Variants in CTNNA2 observed in about 807,000 individuals in gnomAD.
The protein encoded by CTNNA2 is catenin alpha-2.
CTNNA2 carries 42 observed loss-of-function variants against 101.0 expected under a neutral mutation model. The observed-to-expected ratio is 0.42, with a 90% confidence interval of 0.32 to 0.54. The LOEUF is 0.54. Among genes scored for constraint, CTNNA2 ranks in the 20% least tolerant of loss-of-function variants. The probability of loss-of-function intolerance (pLI) is 0.14; values close to 1 mark genes in which losing one functional copy is unlikely to be tolerated. For missense variants in CTNNA2, 871 were observed against 1,223.1 expected (o/e 0.71, Z 4.29); for synonymous variants, 450 against 456.4 (o/e 0.99, Z 0.18).
At chr2:79,302,964 C>A (rs1363862525) in intron 2 of CTNNA2, among the ~76,000 whole-genome samples, 2 of 152,104 alleles carry the variant, frequency 1.3e-5, no homozygotes, top group African/African-American at 2.4e-5. Flanking sequence ...AGAAGTTAAC[C>A]AACTTGACCA....
intron 4 of CTNNA2, among the ~76,000 whole-genome samples, chr2:79,430,726 A>G (rs551380533): frequency 6.6e-6 from 1 of 152,278 alleles, no homozygotes; most frequent in South Asian, 2.1e-4. Flanking sequence ...GGGCTATAAA[A>G]GCCTCCCAAA....
chr2:79,579,224 A>C (rs1177933138), intron 1 of CTNNA2, among the ~76,000 whole-genome samples: 90 of 95,882 alleles, frequency 9.4e-4, no homozygotes, highest in Middle Eastern at 0.011. Flanking sequence ...CCCTCCCTCT[A>C]TCCCTTCCCT....
chr2:79,345,859 A>ATTTT (rs71385269), intron 3 of CTNNA2, among the ~76,000 whole-genome samples: 3 of 130,608 alleles, frequency 2.3e-5, no homozygotes, highest in Non-Finnish European at 4.9e-5. Flanking sequence ...CGCCCGGTTG[A>ATTTT]TTTTTTTTTT....
At chr2:79,562,158 A>T (rs965768935) in intron 1 of CTNNA2, among the ~76,000 whole-genome samples, 1 of 152,016 alleles carries the variant, frequency 6.6e-6, no homozygotes, top group Non-Finnish European at 1.5e-5. Flanking sequence ...ATCCAACTAC[A>T]TTCTTTTGTA....
chr2:80,147,061 G>A (rs1165195450), intron 7 of CTNNA2, among the ~76,000 whole-genome samples: 1 of 151,742 alleles, frequency 6.6e-6, no homozygotes, highest in Non-Finnish European at 1.5e-5. Context: ...CGCCTCCTGG[G>A]TTCAAGCGAT....
rs372875389 is a variant in CTNNA2 at position 79,909,586 on chromosome 2, A to G, written c.853-8A>G. 1.9e-6 allele frequency: 3 copies of G among 1,594,210 alleles called. No individual in the cohort carries two copies. The highest frequency in any genetic ancestry group is 2.6e-6 in the Non-Finnish European group (3 of 1,164,952). On this transcript the variant is annotated splice_region_variant and splice_polypyrimidine_tract_variant and intron_variant, in intron 6 of 18. Coordinates refer to ENST00000402739, the MANE Select transcript of CTNNA2 (RefSeq NM_001282597.3). ...TGATTTTTGTGTGTGTGTGTGTGAT[A>G]CTTTCAGAATAAGATTATCCTGGAC...
intron 7 of CTNNA2, among the ~76,000 whole-genome samples, chr2:80,187,350 T>A (rs147414466): frequency 6.6e-6 from 1 of 152,246 alleles, no homozygotes; most frequent in East Asian, 1.9e-4. Flanking sequence ...AAAGATATGG[T>A]GATGAAAAAT....
At chr2:80,399,848 C>G (rs1678393161) in intron 8 of CTNNA2, among the ~76,000 whole-genome samples, 1 of 152,168 alleles carries the variant, frequency 6.6e-6, no homozygotes, top group African/African-American at 2.4e-5. Context: ...AATTCCTAAG[C>G]AGGGAAACTT....
At chr2:80,509,028 A>C (rs1573076693) in intron 9 of CTNNA2, among the ~76,000 whole-genome samples, 1 of 152,300 alleles carries the variant, frequency 6.6e-6, no homozygotes, top group Admixed American at 6.5e-5. Flanking sequence ...TGTGGATCAA[A>C]CCAAGCAGCA....
At chr2:80,015,491 A>C (rs1394092598) in intron 7 of CTNNA2, among the ~76,000 whole-genome samples, 2 of 152,134 alleles carry the variant, frequency 1.3e-5, no homozygotes, top group Admixed American at 1.3e-4. Flanking sequence ...GTCTCCAATT[A>C]CAGTTGTTTC....
intron 3 of CTNNA2, among the ~76,000 whole-genome samples, chr2:79,313,227 T>C (rs1676424274): frequency 6.6e-6 from 1 of 152,132 alleles, no homozygotes; most frequent in Admixed American, 6.5e-5. Context: ...GAGGGACTAG[T>C]GTAATAATTT....
intron 9 of CTNNA2, among the ~76,000 whole-genome samples, chr2:80,425,943 T>C (rs1314546064): frequency 2.0e-5 from 3 of 152,190 alleles, no homozygotes; most frequent in African/African-American, 7.2e-5. Context: ...TTGTTGTTGT[T>C]GTTGTTGTTT....
chr2:80,589,382 A>T lies in CTNNA2; in HGVS notation c.2086A>T (p.Lys696Ter). Reference protein sequence around the residue: ...QVEIFHQEKSKLDAEVAKWDD... With the variant: ...QVEIFHQEKS Reference sequence around the variant, plus strand: ...GGAGATATTCCATCAAGAGAAAAGCAAGCTGGATGCAGAAGTGGCCAAATG... The same window carrying T: ...GGAGATATTCCATCAAGAGAAAAGCTAGCTGGATGCAGAAGTGGCCAAATG... Residue 696 changes from lysine to a stop codon, truncating the protein, a stop_gained, in exon 15 of 19, where the codon AAG becomes TAG. Coordinates refer to ENST00000402739, the MANE Select transcript of CTNNA2 (RefSeq NM_001282597.3). LOFTEE classifies it high-confidence loss of function. 1 of 1,614,140 alleles carries T rather than the reference A, an allele frequency of 6.2e-7. No homozygotes were observed. Among genetic ancestry groups the T allele is most frequent in the Non-Finnish European group, 8.5e-7 (1 of 1,179,998 alleles).
At chr2:79,346,012 T>C (rs1339179199) in intron 3 of CTNNA2, among the ~76,000 whole-genome samples, 2 of 152,128 alleles carry the variant, frequency 1.3e-5, no homozygotes, top group African/African-American at 4.8e-5. Flanking sequence ...ATAGTTTTAA[T>C]ATGAAGAAAA....
intron 2 of CTNNA2, among the ~76,000 whole-genome samples, chr2:79,214,067 T>A (rs1674213812): frequency 6.6e-6 from 1 of 152,142 alleles, no homozygotes; most frequent in Non-Finnish European, 1.5e-5. Flanking sequence ...GTTGTTGTTT[T>A]GTAGAAGGGA....
intron 7 of CTNNA2, among the ~76,000 whole-genome samples, chr2:80,318,980 A>T (rs1042700519): frequency 1.3e-5 from 2 of 152,188 alleles, no homozygotes; most frequent in Admixed American, 1.3e-4. Context: ...TGATAATTTT[A>T]AAAAGATAAT....
rs1275780857 is a variant in CTNNA2, at chr2:80,449,173, A to T, written c.1290+29572A>T. 5.9e-5 allele frequency among the ~76,000 whole-genome samples: 9 copies of T among 152,116 alleles called. 1 individual carries two copies. The highest frequency in any genetic ancestry group is 5.9e-4 in the Admixed American group (9 of 15,260). ...AGGCCTGTAATCCTAGGACTCTGAG[A>T]GGCCGAGGCAGGAGGATCAGTTGAG... On this transcript the variant is annotated intron_variant, in intron 9 of 18. Coordinates refer to ENST00000402739, the MANE Select transcript of CTNNA2 (RefSeq NM_001282597.3).
intron 8 of CTNNA2, among the ~76,000 whole-genome samples, chr2:80,417,966 AAT>A (rs1195566266): frequency 5.3e-5 from 8 of 152,102 alleles, no homozygotes; most frequent in African/African-American, 1.7e-4. Context: ...GGTATTAACA[AAT>A]ATGTTTGTCT....
At chr2:80,154,251 AT>A (rs35929885) in intron 7 of CTNNA2, among the ~76,000 whole-genome samples, 4,731 of 152,074 alleles carry the variant, frequency 0.031, 78 homozygotes, top group East Asian at 0.048. Context: ...TCCTGTTGGT[AT>A]TTTAGAAAGA....
Sources: allele counts gnomAD v4.1 joint callset (sites outside exome capture counted in the v4.1 genomes callset), GRCh38; gene constraint gnomAD v4.1.1; transcripts MANE v1.5; gene names NCBI Gene and HGNC (gene_info 2026-07-23, HGNC 2026-07-21).